The following LIPA variants were observed in gnomAD, a reference collection of about 807,000 sequenced individuals.
LIPA encodes lipase A, lysosomal acid type.
A neutral mutation model predicts 40.6 loss-of-function variants in LIPA; 26 were observed. That is an observed-to-expected ratio of 0.64 (90% confidence interval 0.47 to 0.89). LIPA has a LOEUF of 0.89. LIPA is among the 40% of genes least tolerant of loss of function. LIPA has a pLI of 0.00. For synonymous variants in LIPA, 188 were observed against 168.4 expected, an observed-to-expected ratio of 1.12 and a Z score of -0.90; for missense variants, 455 against 479.6, an observed-to-expected ratio of 0.95 and a Z score of 0.48.
At chr10:89,245,489 A>T (rs911879640) in intron 3 of LIPA, among the ~76,000 whole-genome samples, 187 bp downstream of exon 3, 37 of 152,328 alleles carry the variant, frequency 2.4e-4, no homozygotes, top group African/African-American at 8.4e-4. Context: ...TGAACAAAAA[A>T]TTAGATGACT....
chr10:89,327,225 T>C (rs907553753), intron 1 of LIPA, among the ~76,000 whole-genome samples: 4 of 152,144 alleles, frequency 2.6e-5, no homozygotes, highest in African/African-American at 9.7e-5. Flanking sequence ...TCAGAGAGAA[T>C]AGGTTGTAAA....
chr10:89,287,621 C>G (rs11499022), intron 1 of LIPA, among the ~76,000 whole-genome samples: 1 of 151,846 alleles, frequency 6.6e-6, no homozygotes, highest in Non-Finnish European at 1.5e-5. Context: ...CCTTGGTGAC[C>G]GATCATGCAC....
chr10:89,345,964 C>A (rs767186501), upstream of LIPA, among the ~76,000 whole-genome samples: 1 of 151,964 alleles, frequency 6.6e-6, no homozygotes, highest in Non-Finnish European at 1.5e-5. Flanking sequence ...AAAAGATCAC[C>A]CAAGCAGATG....
intron 1 of LIPA, among the ~76,000 whole-genome samples, chr10:89,297,393 G>A (rs1224336776): frequency 6.6e-6 from 1 of 152,028 alleles, no homozygotes. Flanking sequence ...TGAGACTATA[G>A]TCATGGAATT....
chr10:89,359,649 T>C (rs1216732073), intron 2 of LIPA, among the ~76,000 whole-genome samples: 2 of 152,180 alleles, frequency 1.3e-5, no homozygotes, highest in African/African-American at 4.8e-5. Context: ...TCGCAGAGGC[T>C]CAAGACCATG....
At chr10:89,338,955 C>T (rs201111678) in intron 1 of LIPA, 28 of 1,614,154 alleles carry the variant, frequency 1.7e-5, no homozygotes, top group African/African-American at 1.5e-4. Flanking sequence ...GGGGAAACTA[C>T]GCCTGGGTCT....
chr10:89,281,343 TC>T (rs752572198), intron 1 of LIPA, among the ~76,000 whole-genome samples: 7 of 152,224 alleles, frequency 4.6e-5, no homozygotes, highest in Non-Finnish European at 8.8e-5. Context: ...TAATTTTCCA[TC>T]CACTCCTTCA....
chr10:89,297,676 T>TTA (rs1227738313), intron 1 of LIPA, among the ~76,000 whole-genome samples: 4 of 152,224 alleles, frequency 2.6e-5, no homozygotes, highest in African/African-American at 9.7e-5. Context: ...GACCCTACCC[T>TTA]TAGCAGCACC....
chr10:89,277,609 C>A (rs1177604129), intron 1 of LIPA, among the ~76,000 whole-genome samples: 3 of 152,152 alleles, frequency 2.0e-5, no homozygotes, highest in African/African-American at 7.2e-5. Context: ...AGTATGTTTT[C>A]TGAGTTCAGC....
chr10:89,389,046 G>C (rs1464012703), intron 2 of LIPA, among the ~76,000 whole-genome samples: 1 of 152,200 alleles, frequency 6.6e-6, no homozygotes, highest in Non-Finnish European at 1.5e-5. Flanking sequence ...TTTTCATACA[G>C]TGGTCAGAAC....
At chr10:89,391,769 C>T (rs1844254834) in intron 2 of LIPA, among the ~76,000 whole-genome samples, 1 of 152,134 alleles carries the variant, frequency 6.6e-6, no homozygotes, top group South Asian at 2.1e-4. Flanking sequence ...ACCTTGTCAT[C>T]CGCCCACCTT....
At chr10:89,300,305 C>T (rs926201625) in intron 1 of LIPA, among the ~76,000 whole-genome samples, 2 of 152,022 alleles carry the variant, frequency 1.3e-5, no homozygotes, top group African/African-American at 2.4e-5. Context: ...GTTATGGGTA[C>T]AAACATGCCG....
intron 3 of LIPA, among the ~76,000 whole-genome samples, chr10:89,229,320 GTT>G (rs1297007473): frequency 6.6e-6 from 1 of 152,224 alleles, no homozygotes; most frequent in Non-Finnish European, 1.5e-5. Flanking sequence ...GTTGCCAGGG[GTT>G]AGGAGGGAGG....
chr10:89,276,167 T>C (rs1186384211), intron 1 of LIPA, among the ~76,000 whole-genome samples: 1 of 152,182 alleles, frequency 6.6e-6, no homozygotes, highest in Non-Finnish European at 1.5e-5. Flanking sequence ...CTTGCAAATG[T>C]GTGGTCAGCA....
At chr10:89,376,261 G>A (rs1332853379) in intron 2 of LIPA, among the ~76,000 whole-genome samples, 1 of 151,252 alleles carries the variant, frequency 6.6e-6, no homozygotes, top group Non-Finnish European at 1.5e-5. Flanking sequence ...TGTCTCATGC[G>A]AATGGGGAGA....
chr10:89,305,095 G>C (rs779579964), intron 1 of LIPA, among the ~76,000 whole-genome samples: 1 of 151,944 alleles, frequency 6.6e-6, no homozygotes, highest in Non-Finnish European at 1.5e-5. Context: ...AGAGGTATGG[G>C]GGGGAGGGGA....
At chr10:89,408,620 C>G (rs765315238) in intron 2 of LIPA, among the ~76,000 whole-genome samples, 1 of 152,168 alleles carries the variant, frequency 6.6e-6, no homozygotes, top group Non-Finnish European at 1.5e-5. Context: ...CCCCTGCTCC[C>G]TCTCTGATTT....
chr10:89,397,952 G>C (rs1216732796), intron 2 of LIPA, among the ~76,000 whole-genome samples: 2 of 152,100 alleles, frequency 1.3e-5, no homozygotes, highest in Non-Finnish European at 2.9e-5. Context: ...CCATTTTTAA[G>C]TGTACAGTTC....
chr10:89,369,353 A>G (rs1490590823), intron 2 of LIPA, among the ~76,000 whole-genome samples: 1 of 152,164 alleles, frequency 6.6e-6, no homozygotes, highest in African/African-American at 2.4e-5. Context: ...GCAAGCTTCT[A>G]GATTCAGTTG....
Sources: gnomAD v4.1 joint callset for allele counts (sites outside exome capture counted in the v4.1 genomes callset) on GRCh38, gnomAD v4.1.1 for gene constraint, MANE v1.5 for transcripts, NCBI Gene and HGNC (gene_info 2026-07-23, HGNC 2026-07-21) for gene names.